The following PIBF1 variants were observed in gnomAD, a reference collection of about 807,000 sequenced individuals.
PIBF1 encodes the protein progesterone immunomodulatory binding factor 1, also known as progesterone-induced-blocking factor 1.
In PIBF1, 90 loss-of-function variants were observed where a neutral mutation model predicts 112.5. The ratio of observed to expected loss-of-function variants is 0.80; its 90% CI spans 0.67 to 0.95. The LOEUF (loss-of-function observed/expected upper bound fraction) is 0.95, where lower values mean the gene tolerates loss of function less well. Among genes scored for constraint, PIBF1 ranks in the 40% least tolerant of loss-of-function variants. The pLI, the probability that PIBF1 is intolerant of heterozygous loss-of-function variation, is 0.00. For missense variants in PIBF1, 915 were observed against 852.3 expected, an observed-to-expected ratio of 1.07 and a Z score of -0.92; for synonymous variants, 301 against 288.6, an observed-to-expected ratio of 1.04 and a Z score of -0.44.
intron 14 of PIBF1, among the ~76,000 whole-genome samples, chr13:72,939,371 C>A (rs1006183519): frequency 2.6e-5 from 4 of 152,130 alleles, no homozygotes; most frequent in Admixed American, 1.3e-4. Flanking sequence ...ACCCATTAAG[C>A]ACTTAATACC....
intron 14 of PIBF1, 124 bp from the exon 15 acceptor site, chr13:72,965,150 G>T: frequency 3.6e-6 from 3 of 823,108 alleles, no homozygotes; most frequent in Non-Finnish European, 5.8e-6. Context: ...ATTTACACAG[G>T]AAAAGCTTTT....
chr13:72,795,510 T>G lies in PIBF1; in HGVS notation c.505T>G (p.Leu169Val). The G allele has an allele frequency of 6.2e-7, 1 of 1,603,682 alleles. No homozygotes were observed. Among genetic ancestry groups the G allele is most frequent in the Non-Finnish European group, 8.5e-7 (1 of 1,176,234 alleles). The change falls in exon 4 of 18, where the codon TTA becomes GTA. Residue 169 changes from leucine to valine, a missense_variant. Transcript: ENST00000326291. ...GTTGACAGAAGAGCAATATATTAAATTAAAAGCTTTTCCTGAAGATCAGCT... is the reference window on the plus strand; with the variant it reads ...GTTGACAGAAGAGCAATATATTAAAGTAAAAGCTTTTCCTGAAGATCAGCT... ...FELTEEQYIK[L>V]KAFPEDQLSI...
chr13:72,847,352 G>T (rs930047798), intron 9 of PIBF1, among the ~76,000 whole-genome samples: 3 of 152,146 alleles, frequency 2.0e-5, no homozygotes, highest in African/African-American at 4.8e-5. Context: ...GAAGTTTATT[G>T]GCTCACAGGT....
intron 6 of PIBF1, among the ~76,000 whole-genome samples, chr13:72,823,060 A>G (rs941991529): frequency 6.6e-6 from 1 of 152,170 alleles, no homozygotes; most frequent in African/African-American, 2.4e-5. Context: ...ATGCCACTGC[A>G]CTCCAGCCTG....
intron 14 of PIBF1, among the ~76,000 whole-genome samples, chr13:72,954,375 C>T (rs188908074): frequency 1.3e-5 from 2 of 152,348 alleles, no homozygotes; most frequent in Admixed American, 6.5e-5. Flanking sequence ...ACACTTCATG[C>T]CAGCCCCCTG....
chr13:72,870,554 A>G (rs2039119233), intron 10 of PIBF1, among the ~76,000 whole-genome samples: 1 of 152,210 alleles, frequency 6.6e-6, no homozygotes. Flanking sequence ...ACCTTTGTGC[A>G]TGACACACTG....
rs1325860595 is a variant in PIBF1 at position 72,782,249 on chromosome 13, G to GC, written c.-146dup. 6 of 176,664 alleles carry GC rather than the reference G, an allele frequency of 3.4e-5. No homozygotes were observed. The highest frequency in any genetic ancestry group is 1.4e-4 in the African/African-American group (6 of 42,390). 10.9% of individuals were successfully genotyped at this position (176,664 alleles called of 1,614,324 possible). ...CCTGCCTTGAAATCCCTTGTTGAGG[G>GC]CCTGCAACCTTGTGCTTCCGACCGG... On this transcript the variant is annotated 5_prime_UTR_variant, in exon 1 of 18. Transcript: ENST00000326291.
chr13:72,812,918 T>C (rs1003835330), intron 5 of PIBF1, among the ~76,000 whole-genome samples: 6 of 151,940 alleles, frequency 3.9e-5, no homozygotes, highest in African/African-American at 1.5e-4. Flanking sequence ...CGCACCACTG[T>C]ATTCCAGCCT....
intron 10 of PIBF1, among the ~76,000 whole-genome samples, chr13:72,861,459 A>G (rs2038696517): frequency 6.6e-6 from 1 of 152,224 alleles, no homozygotes. Flanking sequence ...ATAAGAAGGC[A>G]TGGGAAATCA....
chr13:72,792,214 T>C (rs947647556), intron 2 of PIBF1, among the ~76,000 whole-genome samples: 1 of 152,028 alleles, frequency 6.6e-6, no homozygotes, highest in Non-Finnish European at 1.5e-5. Flanking sequence ...TAGAATCACT[T>C]GAACCTGGCA....
At chr13:73,004,479 G>T (rs1254441812) in intron 17 of PIBF1, among the ~76,000 whole-genome samples, 1 of 131,476 alleles carries the variant, frequency 7.6e-6, no homozygotes, top group African/African-American at 3.0e-5. Context: ...TGAAGAGCGA[G>T]ATTCTGTCTC....
intron 14 of PIBF1, among the ~76,000 whole-genome samples, chr13:72,954,530 C>A (rs1014473388): frequency 2.0e-5 from 3 of 152,266 alleles, no homozygotes; most frequent in African/African-American, 7.2e-5. Flanking sequence ...CCGCTGGAAT[C>A]TGGTAGTGCG....
At chr13:72,919,519 A>G (rs1355133211) in intron 13 of PIBF1, among the ~76,000 whole-genome samples, 2 of 152,224 alleles carry the variant, frequency 1.3e-5, no homozygotes, top group Admixed American at 6.5e-5. Context: ...TTCTTAGTCC[A>G]ATGTTGCCTA....
At chr13:73,009,725 A>G (rs2044138537) in intron 17 of PIBF1, among the ~76,000 whole-genome samples, 2 of 152,218 alleles carry the variant, frequency 1.3e-5, no homozygotes, top group African/African-American at 4.8e-5. Context: ...AATGGTTGTG[A>G]TAAGACATCT....
At chr13:72,921,072 A>G (rs747241829) in intron 13 of PIBF1, among the ~76,000 whole-genome samples, 5 of 152,134 alleles carry the variant, frequency 3.3e-5, no homozygotes, top group African/African-American at 1.2e-4. Flanking sequence ...CTGATTTGTT[A>G]TAACAGTAAT....
chr13:72,803,665 A>G lies in PIBF1; in HGVS notation c.672+5639A>G, dbSNP rs565814075. Among the ~76,000 whole-genome samples the G allele has an allele frequency of 1.4e-4, 21 of 152,330 alleles. No homozygotes were observed. The South Asian group carries it at 4.3e-3, about 32-fold the overall frequency. ...TCTCTTAATAGCTAGAGTTTTAATT[A>G]TGTCACAAAAAGTTGAGTTTCGATT... is the stretch of plus-strand genomic sequence containing the variant. On this transcript the variant is annotated intron_variant, in intron 5 of 17. Transcript: ENST00000326291.
At chr13:72,858,059 A>G (rs374381290) in intron 10 of PIBF1, among the ~76,000 whole-genome samples, 260 of 83,498 alleles carry the variant, frequency 3.1e-3, no homozygotes, top group African/African-American at 5.9e-3. Flanking sequence ...GTGTGTGTGT[A>G]TGTATTATGT....
At chr13:73,001,716 C>T (rs758306773) in intron 17 of PIBF1, among the ~76,000 whole-genome samples, 1 of 150,430 alleles carries the variant, frequency 6.6e-6, no homozygotes, top group African/African-American at 2.4e-5. Flanking sequence ...CTCTGCCTCC[C>T]AGGTTCAAGT....
intron 5 of PIBF1, among the ~76,000 whole-genome samples, chr13:72,805,636 G>A (rs1188208456): frequency 6.6e-6 from 1 of 152,038 alleles, no homozygotes; most frequent in African/African-American, 2.4e-5. Flanking sequence ...TATAAGCTTT[G>A]GGGAAAAAAA....
Sources: allele counts gnomAD v4.1 joint callset (sites outside exome capture counted in the v4.1 genomes callset), GRCh38; gene constraint gnomAD v4.1.1; transcripts MANE v1.5; gene names NCBI Gene and HGNC (gene_info 2026-07-23, HGNC 2026-07-21).